MALRD1: variants seen among roughly 807,000 people sequenced by gnomAD.
The protein encoded by MALRD1 is MAM and LDL receptor class A domain containing 1, also known as MAM and LDL-receptor class A domain-containing protein 1.
MALRD1 carries 247 observed loss-of-function variants against 242.1 expected under a neutral mutation model. The observed-to-expected ratio is 1.02, with a 90% CI of 0.92 to 1.13. The LOEUF (loss-of-function observed/expected upper bound fraction) is 1.13. Among genes scored for constraint, MALRD1 ranks in the 50% most tolerant of loss-of-function variants. The probability of loss-of-function intolerance (pLI) is 0.00; values close to 1 mark genes in which losing one functional copy is unlikely to be tolerated. For synonymous variants in MALRD1, 995 were observed against 866.6 expected (o/e 1.15, Z -2.60); for missense variants, 2,989 against 2,533.1 (o/e 1.18, Z -3.86).
intron 28 of MALRD1, among the ~76,000 whole-genome samples, chr10:19,419,129 C>T (rs1465514431): frequency 2.6e-5 from 4 of 152,188 alleles, no homozygotes; most frequent in Admixed American, 2.0e-4. Context: ...ACCTGACTCC[C>T]ACGTGATCTA....
chr10:19,327,589 T>A lies in MALRD1; in HGVS notation c.3603T>A (p.Thr1201=), dbSNP rs894181517. The change falls in exon 23 of 40, where the codon ACT becomes ACA. Residue 1201 remains threonine, a synonymous_variant. Coordinates refer to ENST00000454679, the MANE Select transcript of MALRD1 (RefSeq NM_001142308.3). ...TGCTCATCAAGAAAGATAACGTTAC[T>A]TCTAAATTGTGGGCTCAAACTGGAC... ...LQVLIKKDNV[T]SKLWAQTGQQ... is the part of the protein sequence containing the mutation. The A allele has an allele frequency of 5.2e-6, 8 of 1,549,788 alleles. No individual in the cohort carries two copies. The highest frequency in any genetic ancestry group is 5.2e-6 in the Non-Finnish European group (6 of 1,146,348).
chr10:19,125,321 CCTTCTTT>C (rs1409092461), intron 7 of MALRD1, among the ~76,000 whole-genome samples: 17 of 77,314 alleles, frequency 2.2e-4, no homozygotes, highest in African/African-American at 9.0e-4. Context: ...TTCCTTCCTT[CCTTCTTT>C]CTTTCTTTCT....
chr10:19,098,724 T>C (rs1836136337), intron 4 of MALRD1, among the ~76,000 whole-genome samples: 1 of 152,130 alleles, frequency 6.6e-6, no homozygotes, highest in African/African-American at 2.4e-5. Context: ...CATTGTTTCA[T>C]GCCAAGGAAA....
chr10:19,478,700 T>C (rs1287296378), intron 29 of MALRD1, among the ~76,000 whole-genome samples: 1 of 152,200 alleles, frequency 6.6e-6, no homozygotes, highest in Admixed American at 6.5e-5. Flanking sequence ...TACCTTTGCT[T>C]TCTGCCTCAT....
intron 5 of MALRD1, among the ~76,000 whole-genome samples, chr10:19,108,763 T>C (rs1004796993): frequency 6.6e-6 from 1 of 152,222 alleles, no homozygotes; most frequent in Non-Finnish European, 1.5e-5. Context: ...TTTATCTCAT[T>C]GAGTTACCTT....
intron 19 of MALRD1, among the ~76,000 whole-genome samples, chr10:19,265,228 C>G (rs988494344): frequency 1.3e-5 from 2 of 151,814 alleles, no homozygotes; most frequent in Non-Finnish European, 2.9e-5. Context: ...TATTTTTGCT[C>G]TAATCTTTAT....
At chr10:19,376,217 C>T (rs1845586591) in intron 26 of MALRD1, among the ~76,000 whole-genome samples, 1 of 152,208 alleles carries the variant, frequency 6.6e-6, no homozygotes, top group Non-Finnish European at 1.5e-5. Context: ...CCTTTCCTTG[C>T]CCTCAGCGTC....
At chr10:19,410,115 A>G (rs1833213194) in intron 28 of MALRD1, among the ~76,000 whole-genome samples, 1 of 152,188 alleles carries the variant, frequency 6.6e-6, no homozygotes, top group Admixed American at 6.6e-5. Context: ...TCACGTAATT[A>G]CTACATGGAT....
intron 14 of MALRD1, among the ~76,000 whole-genome samples, chr10:19,185,213 G>A (rs760366976): frequency 5.9e-5 from 9 of 152,070 alleles, no homozygotes; most frequent in Non-Finnish European, 2.9e-5. Flanking sequence ...TTTTGTACTG[G>A]CTGTGCTATG....
chr10:19,578,057 C>T (rs1414163950), intron 33 of MALRD1, among the ~76,000 whole-genome samples: 1 of 152,074 alleles, frequency 6.6e-6, no homozygotes, highest in African/African-American at 2.4e-5. Flanking sequence ...TGGAAAGCGT[C>T]CAGACTTTAT....
At chr10:19,374,617 C>T (rs1416246576) in intron 26 of MALRD1, among the ~76,000 whole-genome samples, 2 of 152,190 alleles carry the variant, frequency 1.3e-5, no homozygotes, top group East Asian at 1.9e-4. Flanking sequence ...TATACATACA[C>T]ATGCATATAT....
chr10:19,414,567 T>C (rs1426193975), intron 28 of MALRD1, among the ~76,000 whole-genome samples: 1 of 152,202 alleles, frequency 6.6e-6, no homozygotes, highest in East Asian at 1.9e-4. Context: ...TAATATGAAT[T>C]GTACAGCTGT....
At chr10:19,310,327 T>C (rs1842376229) in intron 21 of MALRD1, among the ~76,000 whole-genome samples, 1 of 151,500 alleles carries the variant, frequency 6.6e-6, no homozygotes, top group African/African-American at 2.4e-5. Context: ...AAGTGATGAA[T>C]AAGGAGCAGT....
Position 19,347,747 on chromosome 10 carries a change from C to T in MALRD1, c.3902-24C>T, listed in dbSNP as rs748235098. On this transcript the variant is annotated intron_variant, in intron 24 of 39. Coordinates refer to ENST00000454679, the MANE Select transcript of MALRD1 (RefSeq NM_001142308.3). ...GTAGGCAAATTTCCATTTTCTGTAA[C>T]ATATATTTGGAAATATTTTCCAGGT... 16 of 1,548,192 alleles carry T rather than the reference C, an allele frequency of 1.0e-5. No individual in the cohort carries two copies. In the South Asian group the frequency reaches 1.7e-4, roughly 16 times the overall value.
At chr10:19,171,457 T>TATATATACACAC (rs1166665866) in intron 13 of MALRD1, among the ~76,000 whole-genome samples, 4 of 74,546 alleles carry the variant, frequency 5.4e-5, no homozygotes, top group East Asian at 3.6e-4. Flanking sequence ...TATATATATA[T>TATATATACACAC]ACACACATGT....
intron 18 of MALRD1, among the ~76,000 whole-genome samples, chr10:19,247,079 A>C (rs563585971): frequency 6.6e-6 from 1 of 152,262 alleles, no homozygotes; most frequent in South Asian, 2.1e-4. Flanking sequence ...GACGAAACAT[A>C]TAATCAAAAA....
chr10:19,104,108 T>A, intron 5 of MALRD1, 33 bp downstream of exon 5: 1 of 1,128,612 alleles, frequency 8.9e-7, no homozygotes, highest in Non-Finnish European at 1.1e-6. Context: ...TGATCTTTAC[T>A]GTGTTTAAAG....
rs562779396 is a variant in MALRD1 at position 19,072,203 on chromosome 10, G to A, written c.340+5344G>A. On this transcript the variant is annotated intron_variant, in intron 2 of 39. Coordinates refer to ENST00000454679, the MANE Select transcript of MALRD1 (RefSeq NM_001142308.3). ...GTTTGTAATCTGAGAAATTTCCATC[G>A]AACAACTCATCTATTCCAGGCATCT... Among the ~76,000 whole-genome samples, 15 of 152,130 alleles carry A rather than the reference G, an allele frequency of 9.9e-5. No homozygotes were observed. The South Asian group carries it at 1.0e-3, about 11-fold the overall frequency.
intron 36 of MALRD1, among the ~76,000 whole-genome samples, chr10:19,645,031 A>C (rs1345501746): frequency 6.6e-6 from 1 of 152,228 alleles, no homozygotes; most frequent in Non-Finnish European, 1.5e-5. Context: ...ACATTAATTC[A>C]AATTCAAAGA....
Sources: gnomAD v4.1 joint callset for allele counts (sites outside exome capture counted in the v4.1 genomes callset) on GRCh38, gnomAD v4.1.1 for gene constraint, MANE v1.5 for transcripts, NCBI Gene and HGNC (gene_info 2026-07-23, HGNC 2026-07-21) for gene names.